The following GOLIM4 variants were observed in gnomAD, a reference collection of about 807,000 sequenced individuals.
GOLIM4 encodes the protein 130 kDa golgi-localized phosphoprotein.
Under a neutral mutation model 107.4 loss-of-function variants are expected in GOLIM4, and 71 were observed. The observed-to-expected ratio is 0.66, with a 90% CI of 0.55 to 0.81. The LOEUF is 0.81. Ranked by LOEUF, GOLIM4 falls within the 30% of genes least tolerant of loss-of-function variation. GOLIM4 has a pLI of 0.00. For synonymous variants in GOLIM4, 327 were observed against 294.8 expected (o/e 1.11, Z -1.12); for missense variants, 830 against 826.1 (o/e 1.00, Z -0.06).
At chr3:168,028,513 G>A (rs1718134837) in intron 11 of GOLIM4, among the ~76,000 whole-genome samples, 1 of 152,194 alleles carries the variant, frequency 6.6e-6, no homozygotes, top group South Asian at 2.1e-4. Context: ...AGAAAATGAT[G>A]ATACGGGGTA....
chr3:168,024,229 C>T (rs917913412), intron 14 of GOLIM4, among the ~76,000 whole-genome samples: 1 of 152,124 alleles, frequency 6.6e-6, no homozygotes, highest in Non-Finnish European at 1.5e-5. Flanking sequence ...AATATTCTTA[C>T]AAAAGATTGC....
At chr3:168,072,699 C>T (rs1199281415) in intron 1 of GOLIM4, among the ~76,000 whole-genome samples, 1 of 151,930 alleles carries the variant, frequency 6.6e-6, no homozygotes, top group African/African-American at 2.4e-5. Context: ...TAATTTTATC[C>T]AGGTTGGTTA....
At chr3:168,055,457 T>A (rs1560093353) in intron 1 of GOLIM4, among the ~76,000 whole-genome samples, 1 of 152,146 alleles carries the variant, frequency 6.6e-6, no homozygotes, top group Non-Finnish European at 1.5e-5. Context: ...TTGAGAAAGA[T>A]GATTTAGGGA....
intron 1 of GOLIM4, among the ~76,000 whole-genome samples, chr3:168,072,320 C>T (rs898336187): frequency 5.3e-5 from 8 of 151,696 alleles, no homozygotes; most frequent in Admixed American, 2.6e-4. Context: ...AAGTAACATC[C>T]TAGCCTTTAA....
At position 168,048,308 on chromosome 3, in the gene GOLIM4, T is replaced by C. The variant is rs1201602127; in HGVS notation, c.245A>G (p.His82Arg). Residue 82 changes from histidine (H) to arginine (R), a missense_variant, in exon 2 of 16, where the codon CAT (histidine) becomes CGT (arginine). Transcript: ENST00000470487. ...TTACTTACCTTCCTTTGCTTTTTTA[T>C]GTTCAAGTCTTTCTTTTTGCAAGGA... is the stretch of plus-strand genomic sequence containing the variant. Reference protein sequence around the residue: ...EKSLQKERLEHKKAKEDFLVY... With the variant: ...EKSLQKERLERKKAKEDFLVY... 3.3e-6 allele frequency: 5 copies of C among 1,510,538 alleles called. No homozygotes were observed. Among genetic ancestry groups the C allele is most frequent in the African/African-American group, 1.4e-5 (1 of 73,094 alleles). The allele number at this position is 1,510,538 out of a possible 1,614,324, so 93.6% of individuals were successfully genotyped here.
At chr3:168,043,924 C>T (rs552798187) in intron 4 of GOLIM4, among the ~76,000 whole-genome samples, 5 of 152,168 alleles carry the variant, frequency 3.3e-5, no homozygotes, top group African/African-American at 1.2e-4. Context: ...ATTTAATTTT[C>T]CTTCTTTGGT....
At chr3:168,079,951 A>G (rs919160341) in intron 1 of GOLIM4, among the ~76,000 whole-genome samples, 1 of 152,186 alleles carries the variant, frequency 6.6e-6, no homozygotes, top group South Asian at 2.1e-4. Flanking sequence ...CATGAATATT[A>G]AGTTTAAAAT....
intron 14 of GOLIM4, among the ~76,000 whole-genome samples, chr3:168,018,713 C>T (rs146492812): frequency 3.5e-4 from 53 of 152,204 alleles, no homozygotes; most frequent in South Asian, 8.3e-4. Flanking sequence ...CTAATTGAAA[C>T]GTCATTAAAT....
intron 1 of GOLIM4, among the ~76,000 whole-genome samples, chr3:168,059,702 T>C (rs1482348020): frequency 6.6e-6 from 1 of 152,206 alleles, no homozygotes; most frequent in East Asian, 1.9e-4. Flanking sequence ...AGGTAATTAT[T>C]GCTAAAGAAG....
chr3:168,050,934 C>A (rs1719607039), intron 1 of GOLIM4, among the ~76,000 whole-genome samples: 1 of 151,428 alleles, frequency 6.6e-6, no homozygotes, highest in South Asian at 2.1e-4. Context: ...CCCCAGTCAC[C>A]TCAGACTAAA....
Position 168,010,385 on chromosome 3 carries a change from C to T in GOLIM4, c.1975G>A (p.Glu659Lys). ...TTGGGGCGGTTGTCATCTCGAACTT[C>T]TTGCTCTTCTCCATCATTATTTTTA... ...DDKNNDGEEQ[E>K]VRDDNRPKGR... The change falls in exon 16 of 16, where the codon GAA (glutamate) becomes AAA (lysine). Residue 659 changes from glutamate (E) to lysine (K), a missense_variant. Transcript: ENST00000470487. The T allele has an allele frequency of 1.2e-6, 2 of 1,610,560 alleles. No individual in the cohort carries two copies. The highest frequency in any genetic ancestry group is 4.5e-5 in the East Asian group (2 of 44,864).
chr3:168,065,071 T>G (rs1720481071), intron 1 of GOLIM4, among the ~76,000 whole-genome samples: 1 of 152,206 alleles, frequency 6.6e-6, no homozygotes, highest in African/African-American at 2.4e-5. Flanking sequence ...CTAAGAACCC[T>G]GACCTCCTGG....
chr3:168,089,668 T>C (rs1476300879), intron 1 of GOLIM4, among the ~76,000 whole-genome samples: 1 of 151,892 alleles, frequency 6.6e-6, no homozygotes, highest in Non-Finnish European at 1.5e-5. Context: ...TATATGCACA[T>C]TAATAGGCCA....
chr3:168,087,586 C>T (rs530592287), intron 1 of GOLIM4, among the ~76,000 whole-genome samples: 1 of 152,142 alleles, frequency 6.6e-6, no homozygotes, highest in Non-Finnish European at 1.5e-5. Flanking sequence ...ATAGTACACC[C>T]GTTATTTCTG....
At chr3:168,044,716 A>G (rs1719203246) in intron 4 of GOLIM4, 112 bp downstream of exon 4, 1 of 661,220 alleles carries the variant, frequency 1.5e-6, no homozygotes, top group South Asian at 1.9e-5. Context: ...GCCATATTAC[A>G]ATACAAATCA....
intron 14 of GOLIM4, among the ~76,000 whole-genome samples, chr3:168,017,094 T>C (rs1227646677): frequency 6.6e-6 from 1 of 152,196 alleles, no homozygotes; most frequent in Admixed American, 6.5e-5. Flanking sequence ...ATCAATGTGA[T>C]TGATCCTGAA....
rs192556889 is a variant in GOLIM4, at chr3:168,095,656, G to A, written c.-371C>T. The stretch of plus-strand genomic sequence containing the variant: ...GCCCCGCTGCCCCCGGGCAGTTCTT[G>A]GAGTCCCGCCCTGGCCACTCCCCGC... On this transcript the variant is annotated 5_prime_UTR_variant, in exon 1 of 16. Coordinates refer to ENST00000470487, the MANE Select transcript of GOLIM4 (RefSeq NM_014498.5). 7.9e-3 allele frequency: 1,824 copies of A among 229,470 alleles called. 40 individuals are homozygous for A. The highest frequency in any genetic ancestry group is 0.041 in the African/African-American group (1,728 of 42,300). 14.2% of individuals were successfully genotyped at this position (229,470 alleles called of 1,614,324 possible).
chr3:168,094,418 G>A (rs541239675), intron 1 of GOLIM4, among the ~76,000 whole-genome samples: 2 of 152,290 alleles, frequency 1.3e-5, no homozygotes, highest in East Asian at 3.9e-4. Context: ...TACTTAGGAA[G>A]ACAAGTAAAC....
At chr3:168,075,748 G>C (rs934834947) in intron 1 of GOLIM4, among the ~76,000 whole-genome samples, 1 of 152,106 alleles carries the variant, frequency 6.6e-6, no homozygotes, top group African/African-American at 2.4e-5. Context: ...AGCATGTCAA[G>C]ACGACTCATG....
Sources: allele counts gnomAD v4.1 joint callset (sites outside exome capture counted in the v4.1 genomes callset), GRCh38; gene constraint gnomAD v4.1.1; transcripts MANE v1.5; gene names NCBI Gene and HGNC (gene_info 2026-07-23, HGNC 2026-07-21).